RRAD: variants seen among roughly 807,000 people sequenced by gnomAD.
RRAD encodes GTP-binding protein RAD.
RRAD carries 15 observed loss-of-function variants against 24.7 expected under a neutral mutation model. The observed-to-expected ratio is 0.61, with a 90% confidence interval of 0.41 to 0.93. The LOEUF is 0.93. RRAD is among the 40% of genes least tolerant of loss of function. RRAD has a pLI of 0.00. For synonymous variants in RRAD, 180 were observed against 189.8 expected (o/e 0.95, Z 0.43); for missense variants, 438 against 452.2 (o/e 0.97, Z 0.29).
At chr16:66,922,574 A>G (rs1411592201) in intron 4 of RRAD, among the ~76,000 whole-genome samples, 1 of 152,248 alleles carries the variant, frequency 6.6e-6, no homozygotes, top group Non-Finnish European at 1.5e-5. Context: ...AGTGGCCCTC[A>G]AAAGGAGATC....
chr16:66,925,366 TC>T lies in RRAD; in HGVS notation c.-16+42del. ...CCGGGACCCCTCCGGACCTGGCGCA[TC>T]CATCTGCAGCCGCCCCGACCCCGCT... On this transcript the variant is annotated intron_variant, in intron 1 of 4. Transcript: ENST00000299759. The surrounding 1 kb of genome is among the most constrained non-coding windows in gnomAD (Gnocchi z 5.2). 2.2e-6 allele frequency: 1 copy of T among 462,566 alleles called. No homozygotes were observed. Among genetic ancestry groups the T allele is most frequent in the Non-Finnish European group, 3.4e-6 (1 of 294,672 alleles). The allele number at this position is 462,566 out of a possible 1,614,324, so 28.7% of individuals were successfully genotyped here.
In RRAD at chr16:66,922,195, T is replaced by TC; in HGVS notation, c.807dup (p.Arg270GlufsTer20). ...GCCTTTTTGCCAAGGCTCTCTCGCC[T>TC]CCGGGTGCCTGCTTGCCGTCGTGCG... On this transcript the variant is annotated frameshift_variant, in exon 5 of 5. Transcript: ENST00000299759. LOFTEE classifies it high-confidence loss of function. 1 of 1,614,208 alleles carries TC rather than the reference T, an allele frequency of 6.2e-7. No individual in the cohort carries two copies.
intron 4 of RRAD, 120 bp from the exon 5 acceptor site, chr16:66,922,473 ACACAGAGAC>A (rs1962929834): frequency 2.0e-6 from 2 of 998,228 alleles, no homozygotes; most frequent in South Asian, 1.7e-5. Flanking sequence ...CTCCCCGAAA[ACACAGAGAC>A]CCCAGCTCCT....
At position 66,925,017 on chromosome 16, in the gene RRAD, C is replaced by A. The variant is rs1035295744; in HGVS notation, c.163G>T (p.Ala55Ser). ...GTCCCGGCCGCGGCCGCCGTCAGGG[C>A]ACCCGGGGTCAGCGCCGCCTGCAGG... The part of the protein sequence containing the change: ...RDLQAALTPG[A>S]LTAAAAGTGT... The change falls in exon 2 of 5, where the codon GCC becomes TCC. Residue 55 changes from alanine (A) to serine (S), a missense_variant. Physicochemically the swap from Ala to Ser is moderately conservative, Grantham distance 99 (BLOSUM62 1). Transcript: ENST00000299759. This position sits in a 1 kb window ranked among gnomAD's most constrained non-coding sequence, Gnocchi z 5.2. The A allele has an allele frequency of 3.5e-5, 49 of 1,408,074 alleles. No individual in the cohort carries two copies. Among genetic ancestry groups the A allele is most frequent in the Non-Finnish European group, 4.4e-5 (47 of 1,076,500 alleles). The allele number at this position is 1,408,074 out of a possible 1,614,324, so 87.2% of individuals were successfully genotyped here. A position where few individuals can be genotyped will look rare whatever the true frequency, so the allele number is the denominator to read the frequency against.
Position 66,924,861 on chromosome 16 carries a change from G to A in RRAD, c.319C>T (p.Leu107=), listed in dbSNP as rs753558604. The change falls in exon 2 of 5, where the codon CTG becomes TTG. Residue 107 remains leucine (L), a synonymous_variant. Coordinates refer to ENST00000299759, the MANE Select transcript of RRAD (RefSeq NM_004165.3). The surrounding 1 kb of genome is among the most constrained non-coding windows in gnomAD (Gnocchi z 4.2). Reference sequence around the variant, plus strand: ...TCCACACCGCCGAAGATGCGCGCCAGGGCGCTCTTGCCCACGCCGGGCGCC... The same window carrying A: ...TCCACACCGCCGAAGATGCGCGCCAAGGCGCTCTTGCCCACGCCGGGCGCC... ...LGAPGVGKSA[L]ARIFGGVEDG... is the part of the protein sequence containing the mutation. The A allele has an allele frequency of 1.3e-6, 2 of 1,588,430 alleles. No individual in the cohort carries two copies. Among genetic ancestry groups the A allele is most frequent in the East Asian group, 4.5e-5 (2 of 44,318 alleles).
rs192887422 is a variant in RRAD, at chr16:66,924,702, C to T, written c.370+108G>A. On this transcript the variant is annotated intron_variant, in intron 2 of 4. Coordinates refer to ENST00000299759, the MANE Select transcript of RRAD (RefSeq NM_004165.3). The surrounding 1 kb of genome is among the most constrained non-coding windows in gnomAD (Gnocchi z 4.2). ...AAAATAATAATAATAATAATAATAA[C>T]AACAACAACAACTATAATTCCACGG... 1.9e-3 allele frequency: 1,175 copies of T among 623,330 alleles called. 2 individuals are homozygous for T. Among genetic ancestry groups the T allele is most frequent in the African/African-American group, 7.9e-3 (244 of 30,830 alleles). 38.6% of individuals were successfully genotyped at this position (623,330 alleles called of 1,614,324 possible). A position where few individuals can be genotyped will look rare whatever the true frequency, so the allele number is the denominator to read the frequency against.
chr16:66,922,446 C>G, intron 4 of RRAD, 93 bp from the exon 5 acceptor site: 2 of 1,332,666 alleles, frequency 1.5e-6, no homozygotes, highest in Non-Finnish European at 1.0e-6. Flanking sequence ...AGCTGCCACT[C>G]GAGAATTTGC....
chr16:66,925,489 T>C lies in RRAD; in HGVS notation c.-96A>G, dbSNP rs1962987615. ...CGTAGTCCGGACTCGGACTTTAGGG[T>C]TTCCGCCGCCGCTGCTGCTGCAGCC... On this transcript the variant is annotated 5_prime_UTR_variant, in exon 1 of 5. Transcript: ENST00000299759. This position sits in a 1 kb window ranked among gnomAD's most constrained non-coding sequence, Gnocchi z 5.2. The C allele has an allele frequency of 8.9e-6, 2 of 223,572 alleles. No homozygotes were observed. Among genetic ancestry groups the C allele is most frequent in the Non-Finnish European group, 8.7e-6 (1 of 114,588 alleles). 13.8% of individuals were successfully genotyped at this position (223,572 alleles called of 1,614,324 possible). A position where few individuals can be genotyped will look rare whatever the true frequency, so the allele number is the denominator to read the frequency against.
Position 66,924,897 on chromosome 16 carries a change from G to C in RRAD, c.283C>G (p.Leu95Val). Residue 95 changes from leucine to valine, a missense_variant, in exon 2 of 5, where the codon CTG (leucine) becomes GTG (valine). By Grantham distance (32) the Leu-to-Val change is conservative. Coordinates refer to ENST00000299759, the MANE Select transcript of RRAD (RefSeq NM_004165.3). This position sits in a 1 kb window ranked among gnomAD's most constrained non-coding sequence, Gnocchi z 4.2. ...SDSDESVYKV[L>V]LLGAPGVGKS... ...CCCACGCCGGGCGCCCCCAGCAGCAGCACCTTGTAAACGCTCTCGTCTGAG... is the reference window on the plus strand; with the variant it reads ...CCCACGCCGGGCGCCCCCAGCAGCACCACCTTGTAAACGCTCTCGTCTGAG... 5 of 1,585,206 alleles carry C rather than the reference G, an allele frequency of 3.2e-6. No individual in the cohort carries two copies. The South Asian group carries it at 3.4e-5, about 11-fold the overall frequency.
rs1962912540 is a variant in RRAD at position 66,921,719 on chromosome 16, T to C, written c.*357A>G. ...ATAGCCTTTATTACAAAAATCTGCA[T>C]GTAAACAAATAGCTACCGCACTGAA... is the stretch of plus-strand genomic sequence containing the variant. On this transcript the variant is annotated 3_prime_UTR_variant, in exon 5 of 5. Transcript: ENST00000299759. 1 of 215,542 alleles carries C rather than the reference T, an allele frequency of 4.6e-6. No individual in the cohort carries two copies. Among genetic ancestry groups the C allele is most frequent in the Non-Finnish European group, 9.1e-6 (1 of 109,578 alleles). 13.4% of individuals were successfully genotyped at this position (215,542 alleles called of 1,614,324 possible). A position where few individuals can be genotyped will look rare whatever the true frequency, so the allele number is the denominator to read the frequency against.
rs1469216694 is a variant in RRAD, at chr16:66,924,418, G to A, written c.370+392C>T. On this transcript the variant is annotated intron_variant, in intron 2 of 4. Coordinates refer to ENST00000299759, the MANE Select transcript of RRAD (RefSeq NM_004165.3). The surrounding 1 kb of genome is among the most constrained non-coding windows in gnomAD (Gnocchi z 4.2). ...GCGGTGGCTCACGCCTGTAATCCCA[G>A]CACTTTGGGAAGCCAAGGTGGGCGG... Among the ~76,000 whole-genome samples, 1 of 152,186 alleles carries A rather than the reference G, an allele frequency of 6.6e-6. No individual in the cohort carries two copies. Among genetic ancestry groups the A allele is most frequent in the Non-Finnish European group, 1.5e-5 (1 of 68,032 alleles).
chr16:66,922,206 G>C lies in RRAD; in HGVS notation c.797C>G (p.Ala266Gly). 6.2e-7 allele frequency: 1 copy of C among 1,614,216 alleles called. No individual in the cohort carries two copies. The highest frequency in any genetic ancestry group is 8.5e-7 in the Non-Finnish European group (1 of 1,180,018). ...AAGGCTCTCTCGCCTCCGGGTGCCT[G>C]CTTGCCGTCGTGCGTTGGCTTCTTT... is the stretch of plus-strand genomic sequence containing the variant. ...DSKEANARRQ[A>G]GTRRRESLGK... The change falls in exon 5 of 5, where the codon GCA becomes GGA. Residue 266 changes from alanine to glycine, a missense_variant. Ala to Gly is a moderately conservative substitution (Grantham distance 60). Transcript: ENST00000299759.
In RRAD at chr16:66,924,258, C is replaced by T. The variant is rs995592741; in HGVS notation, c.371-339G>A. Among the ~76,000 whole-genome samples the T allele has an allele frequency of 6.6e-6, 1 of 152,224 alleles. No individual in the cohort carries two copies. Among genetic ancestry groups the T allele is most frequent in the East Asian group, 1.9e-4 (1 of 5,192 alleles). On this transcript the variant is annotated intron_variant, in intron 2 of 4. Coordinates refer to ENST00000299759, the MANE Select transcript of RRAD (RefSeq NM_004165.3). The surrounding 1 kb of genome is among the most constrained non-coding windows in gnomAD (Gnocchi z 4.2). ...CAGAGTAGCCATATCTATGCCCTGG[C>T]CTTCTACTCTGGGCATTTCTTCCCT...
chr16:66,922,048 C>T lies in RRAD; in HGVS notation c.*28G>A, dbSNP rs201245551. 63 of 1,584,584 alleles carry T rather than the reference C, an allele frequency of 4.0e-5. No individual in the cohort carries two copies. The highest frequency in any genetic ancestry group is 5.1e-5 in the Non-Finnish European group (59 of 1,157,562). On this transcript the variant is annotated 3_prime_UTR_variant, in exon 5 of 5. Transcript: ENST00000299759. ...CCAGCCCACCAACCCTTCCGTTCGT[C>T]TCCCACCATAGTGGGAGCGGGTGGG... is the stretch of plus-strand genomic sequence containing the variant.
chr16:66,923,744 T>C lies in RRAD; in HGVS notation c.445-24A>G. ...TCCTGGAGAACACACAACACACATC[T>C]GCCCAACAGTCCTCATGCCCCCGAC... is the stretch of plus-strand genomic sequence containing the variant. On this transcript the variant is annotated intron_variant, in intron 3 of 4. Coordinates refer to ENST00000299759, the MANE Select transcript of RRAD (RefSeq NM_004165.3). This position sits in a 1 kb window ranked among gnomAD's most constrained non-coding sequence, Gnocchi z 4.9. 2 of 1,613,682 alleles carry C rather than the reference T, an allele frequency of 1.2e-6. No individual in the cohort carries two copies. Among genetic ancestry groups the C allele is most frequent in the Non-Finnish European group, 1.7e-6 (2 of 1,179,674 alleles).
chr16:66,925,267 C>A lies in RRAD; in HGVS notation c.-15-73G>T. The A allele has an allele frequency of 8.6e-7, 1 of 1,158,118 alleles. No individual in the cohort carries two copies. The highest frequency in any genetic ancestry group is 1.1e-6 in the Non-Finnish European group (1 of 931,544). The allele number at this position is 1,158,118 out of a possible 1,614,324, so 71.7% of individuals were successfully genotyped here. A position where few individuals can be genotyped will look rare whatever the true frequency, so the allele number is the denominator to read the frequency against. ...GGACCCGGGGCGCACCTGCCCAACC[C>A]GGAGTCAGGCGGGATGCTCCGGCCG... On this transcript the variant is annotated intron_variant, in intron 1 of 4. Coordinates refer to ENST00000299759, the MANE Select transcript of RRAD (RefSeq NM_004165.3). This position sits in a 1 kb window ranked among gnomAD's most constrained non-coding sequence, Gnocchi z 5.2.
chr16:66,922,150 T>A lies in RRAD; in HGVS notation c.853A>T (p.Ile285Phe), dbSNP rs777728894. ...GKKAKRFLGR[I>F]VARNSRKMAF... ...ATCTTGCGGCTGTTACGAGCTACGA[T>A]GCGGCCCAAGAAGCGCTTCGCCTTT... The change falls in exon 5 of 5, where the codon ATC becomes TTC. Residue 285 changes from isoleucine to phenylalanine, a missense_variant. Transcript: ENST00000299759. 1 of 1,614,080 alleles carries A rather than the reference T, an allele frequency of 6.2e-7. No homozygotes were observed. The highest frequency in any genetic ancestry group is 1.7e-5 in the Admixed American group (1 of 60,028).
rs572163707 is a variant in RRAD, at chr16:66,925,222, T to C, written c.-15-28A>G. ...AGGGGATCAGGAACCCGAGTGGCCGTGTAAGCCGCGAGGGAGGCGGGACCC... is the reference window on the plus strand; with the variant it reads ...AGGGGATCAGGAACCCGAGTGGCCGCGTAAGCCGCGAGGGAGGCGGGACCC... On this transcript the variant is annotated intron_variant, in intron 1 of 4. Coordinates refer to ENST00000299759, the MANE Select transcript of RRAD (RefSeq NM_004165.3). The surrounding 1 kb of genome is among the most constrained non-coding windows in gnomAD (Gnocchi z 5.2). The C allele has an allele frequency of 9.7e-6, 12 of 1,234,558 alleles. No homozygotes were observed. Among genetic ancestry groups the C allele is most frequent in the Non-Finnish European group, 1.2e-5 (12 of 988,402 alleles). The allele number at this position is 1,234,558 out of a possible 1,614,324, so 76.5% of individuals were successfully genotyped here.
At position 66,924,886 on chromosome 16, in the gene RRAD, C is replaced by G. The variant is rs1249672803; in HGVS notation, c.294G>C (p.Gly98=). ...GGGCGCTCTTGCCCACGCCGGGCGC[C>G]CCCAGCAGCAGCACCTTGTAAACGC... ...DESVYKVLLL[G]APGVGKSALA... Residue 98 remains glycine, a synonymous_variant, in exon 2 of 5, where the codon GGG becomes GGC. Transcript: ENST00000299759. This position sits in a 1 kb window ranked among gnomAD's most constrained non-coding sequence, Gnocchi z 4.2. The G allele has an allele frequency of 6.3e-7, 1 of 1,586,432 alleles. No individual in the cohort carries two copies. The highest frequency in any genetic ancestry group is 8.5e-7 in the Non-Finnish European group (1 of 1,171,272).
Sources: gnomAD v4.1 joint callset for allele counts (sites outside exome capture counted in the v4.1 genomes callset) on GRCh38, gnomAD v4.1.1 for gene constraint, Gnocchi (gnomAD v3.1) non-coding constraint, MANE v1.5 for transcripts, NCBI Gene and HGNC (gene_info 2026-07-23, HGNC 2026-07-21) for gene names.